Variants in VKORC1L1 observed in about 807,000 individuals in gnomAD.
The protein encoded by VKORC1L1 is vitamin K epoxide reductase complex subunit 1L1.
In VKORC1L1, 2 loss-of-function variants were observed where a neutral mutation model predicts 18.9. The ratio of observed to expected loss-of-function variants is 0.11; its 90% CI spans 0.04 to 0.33. VKORC1L1 has a LOEUF of 0.33. Ranked by LOEUF, VKORC1L1 falls within the 10% of genes least tolerant of loss-of-function variation. VKORC1L1 has a pLI of 1.00. For synonymous variants in VKORC1L1, 96 were observed against 100.0 expected (o/e 0.96, Z 0.24); for missense variants, 123 against 224.1 (o/e 0.55, Z 2.88).
chr7:65,935,450 C>T (rs1789927505), intron 1 of VKORC1L1, among the ~76,000 whole-genome samples: 1 of 152,054 alleles, frequency 6.6e-6, no homozygotes, highest in African/African-American at 2.4e-5. Context: ...GCTGGAATTA[C>T]AGACGCACGC....
At chr7:65,932,299 T>C (rs532259675) in intron 1 of VKORC1L1, among the ~76,000 whole-genome samples, 6 of 152,300 alleles carry the variant, frequency 3.9e-5, no homozygotes, top group Admixed American at 3.3e-4. Flanking sequence ...GGTTTCACCA[T>C]GTTGGCCAGG....
chr7:65,931,170 T>C (rs1018599883), intron 1 of VKORC1L1, among the ~76,000 whole-genome samples: 1 of 152,156 alleles, frequency 6.6e-6, no homozygotes, highest in South Asian at 2.1e-4. Context: ...ATGAATGATA[T>C]TGGTCTGTGG....
rs1273995580 is a variant in VKORC1L1, at chr7:65,957,172, C to T, written c.*2872C>T. Reference sequence around the variant, plus strand: ...TTTCAAATGATGTTCAAAGCATTGACTATTTTCATTCAAAGAAACTACATT... The same window carrying T: ...TTTCAAATGATGTTCAAAGCATTGATTATTTTCATTCAAAGAAACTACATT... On this transcript the variant is annotated 3_prime_UTR_variant, in exon 3 of 3. Coordinates refer to ENST00000360768, the MANE Select transcript of VKORC1L1 (RefSeq NM_173517.6). 6.6e-6 allele frequency: 1 copy of T among 152,222 alleles called. No individual in the cohort carries two copies. The highest frequency in any genetic ancestry group is 6.5e-5 in the Admixed American group (1 of 15,286). 9.4% of individuals were successfully genotyped at this position (152,222 alleles called of 1,614,324 possible). A position where few individuals can be genotyped will look rare whatever the true frequency, so the allele number is the denominator to read the frequency against.
chr7:65,933,428 T>C (rs1055344516), intron 1 of VKORC1L1, among the ~76,000 whole-genome samples: 2 of 152,212 alleles, frequency 1.3e-5, no homozygotes, highest in African/African-American at 4.8e-5. Context: ...CATTTTCTGG[T>C]ATTAATACAA....
intron 1 of VKORC1L1, among the ~76,000 whole-genome samples, chr7:65,889,743 C>T (rs1038840793): frequency 6.6e-6 from 1 of 152,162 alleles, no homozygotes; most frequent in Non-Finnish European, 1.5e-5. Context: ...TCTTACTTTT[C>T]TAAGATCGCA....
intron 1 of VKORC1L1, among the ~76,000 whole-genome samples, chr7:65,944,065 G>A (rs1790079143): frequency 6.6e-6 from 1 of 152,168 alleles, no homozygotes; most frequent in South Asian, 2.1e-4. Flanking sequence ...GATCACTTGA[G>A]GTCTAAAAAC....
At chr7:65,935,083 C>G (rs1789920534) in intron 1 of VKORC1L1, among the ~76,000 whole-genome samples, 1 of 150,410 alleles carries the variant, frequency 6.6e-6, no homozygotes, top group South Asian at 2.1e-4. Context: ...GGGTCTATTT[C>G]AGATATTTAC....
rs768068700 is a variant in VKORC1L1 at position 65,957,484 on chromosome 7, C to CAAA, written c.*3192_*3194dup. 30 of 144,072 alleles carry CAAA rather than the reference C, an allele frequency of 2.1e-4. No individual in the cohort carries two copies. The highest frequency in any genetic ancestry group is 6.1e-4 in the East Asian group (3 of 4,952). 8.9% of individuals were successfully genotyped at this position (144,072 alleles called of 1,614,324 possible). On this transcript the variant is annotated 3_prime_UTR_variant, in exon 3 of 3. Coordinates refer to ENST00000360768, the MANE Select transcript of VKORC1L1 (RefSeq NM_173517.6). Reference sequence around the variant, plus strand: ...CAACAGAGCGAGACTGTCCCCCCCCCAAAAAAAAAAGAGAGAGACTGCATT... The same window carrying CAAA: ...CAACAGAGCGAGACTGTCCCCCCCCCAAAAAAAAAAAAAGAGAGAGACTGCATT...
chr7:65,904,922 C>T (rs761045393), intron 1 of VKORC1L1, among the ~76,000 whole-genome samples: 10 of 151,896 alleles, frequency 6.6e-5, no homozygotes, highest in Non-Finnish European at 1.2e-4. Context: ...ACATTTCTTC[C>T]TGTGTATGTA....
chr7:65,909,850 T>C (rs1789474163), intron 1 of VKORC1L1, among the ~76,000 whole-genome samples: 2 of 152,078 alleles, frequency 1.3e-5, no homozygotes, highest in South Asian at 4.2e-4. Flanking sequence ...CCTGAGTAGC[T>C]GGGATTACAG....
intron 1 of VKORC1L1, among the ~76,000 whole-genome samples, chr7:65,882,694 G>C (rs1788947999): frequency 6.6e-6 from 1 of 152,094 alleles, no homozygotes; most frequent in East Asian, 1.9e-4. Context: ...GCTAGTGCTT[G>C]TTTGTTCATG....
intron 1 of VKORC1L1, among the ~76,000 whole-genome samples, chr7:65,897,285 A>G (rs575878936): frequency 5.9e-5 from 9 of 152,326 alleles, no homozygotes; most frequent in African/African-American, 2.2e-4. Context: ...TTGAAACTAT[A>G]CTGAAAGCAT....
chr7:65,897,288 GAA>G (rs967363686), intron 1 of VKORC1L1, among the ~76,000 whole-genome samples: 2 of 152,246 alleles, frequency 1.3e-5, no homozygotes, highest in African/African-American at 4.8e-5. Flanking sequence ...AAACTATACT[GAA>G]AGCATTTTAA....
intron 1 of VKORC1L1, among the ~76,000 whole-genome samples, chr7:65,886,525 GT>G (rs537624674): frequency 8.7e-5 from 13 of 148,886 alleles, no homozygotes; most frequent in East Asian, 7.8e-4. Context: ...GAAGGTGAGA[GT>G]TTTTTTTTTA....
At chr7:65,952,769 T>G (rs1472401216) in intron 2 of VKORC1L1, among the ~76,000 whole-genome samples, 2 of 123,554 alleles carry the variant, frequency 1.6e-5, no homozygotes, top group African/African-American at 6.2e-5. Flanking sequence ...TCAGGTGCCT[T>G]TTTTTTTCCT....
chr7:65,940,615 G>C lies in VKORC1L1; in HGVS notation c.195-8056G>C, dbSNP rs376777345. ...TGACATGTCATCCAGAGTGCTCCAGGAAGGCAAGGGCTCCAAGAGAGATGT... is the reference window on the plus strand; with the variant it reads ...TGACATGTCATCCAGAGTGCTCCAGCAAGGCAAGGGCTCCAAGAGAGATGT... On this transcript the variant is annotated intron_variant, in intron 1 of 2. Transcript: ENST00000360768. Among the ~76,000 whole-genome samples, 64 of 152,274 alleles carry C rather than the reference G, an allele frequency of 4.2e-4. 3 individuals carry two copies. In the South Asian group the frequency reaches 0.013, roughly 31 times the overall value.
intron 1 of VKORC1L1, among the ~76,000 whole-genome samples, chr7:65,946,847 A>T (rs1322133750): frequency 1.3e-5 from 2 of 152,118 alleles, no homozygotes; most frequent in Non-Finnish European, 2.9e-5. Context: ...TGAAATGTAT[A>T]ACTGAAGGCT....
At chr7:65,884,465 C>T (rs925788590) in intron 1 of VKORC1L1, among the ~76,000 whole-genome samples, 7 of 152,094 alleles carry the variant, frequency 4.6e-5, no homozygotes, top group South Asian at 4.2e-4. Flanking sequence ...GGTGAAACCC[C>T]GTCTCTACTA....
intron 1 of VKORC1L1, among the ~76,000 whole-genome samples, chr7:65,912,865 T>C (rs544617405): frequency 2.6e-5 from 4 of 152,388 alleles, no homozygotes; most frequent in Admixed American, 1.3e-4. Context: ...TACATTTTAG[T>C]AAATTTACAA....
Sources: gnomAD v4.1 joint callset for allele counts (sites outside exome capture counted in the v4.1 genomes callset) on GRCh38, gnomAD v4.1.1 for gene constraint, MANE v1.5 for transcripts, NCBI Gene and HGNC (gene_info 2026-07-23, HGNC 2026-07-21) for gene names.